Variants in SOX5 observed in about 807,000 individuals in gnomAD.
The protein encoded by SOX5 is SRY-box transcription factor 5.
In SOX5, 9 loss-of-function variants were observed where a neutral mutation model predicts 92.0. The observed-to-expected ratio is 0.10, with a 90% CI of 0.06 to 0.17. The LOEUF is 0.17. Ranked by LOEUF, SOX5 falls within the 10% of genes least tolerant of loss-of-function variation. SOX5 has a pLI of 1.00. For synonymous variants in SOX5, 344 were observed against 336.3 expected (o/e 1.02, Z -0.25); for missense variants, 642 against 944.5 (o/e 0.68, Z 4.20).
At chr12:24,357,815 T>G (rs1469840702) in intron 2 of SOX5, among the ~76,000 whole-genome samples, 4 of 139,274 alleles carry the variant, frequency 2.9e-5, no homozygotes, top group African/African-American at 1.1e-4. Flanking sequence ...CACTCCAGCC[T>G]GGGTGACAGA....
chr12:23,644,576 T>C (rs982472245), intron 7 of SOX5, among the ~76,000 whole-genome samples: 1 of 152,184 alleles, frequency 6.6e-6, no homozygotes, highest in African/African-American at 2.4e-5. Flanking sequence ...GAAAGTTGTG[T>C]GATCAAGCAA....
At chr12:24,301,973 A>C (rs1255640144) in intron 2 of SOX5, among the ~76,000 whole-genome samples, 1 of 152,118 alleles carries the variant, frequency 6.6e-6, no homozygotes, top group Non-Finnish European at 1.5e-5. Flanking sequence ...ATAATTATTT[A>C]TGTTCACATA....
intron 1 of SOX5, among the ~76,000 whole-genome samples, chr12:24,391,463 TAATAAA>T (rs1208760754): frequency 6.6e-6 from 1 of 152,140 alleles, no homozygotes; most frequent in Non-Finnish European, 1.5e-5. Flanking sequence ...TAGAAGTTCT[TAATAAA>T]AATAAAGAGG....
At chr12:24,167,988 G>A (rs917545861) in intron 4 of SOX5, among the ~76,000 whole-genome samples, 1 of 152,208 alleles carries the variant, frequency 6.6e-6, no homozygotes, top group African/African-American at 2.4e-5. Context: ...TCTCTTAGAG[G>A]AAAGGATGTT....
intron 4 of SOX5, among the ~76,000 whole-genome samples, chr12:24,194,419 AGG>A (rs1956815468): frequency 9.6e-6 from 1 of 104,556 alleles, no homozygotes; most frequent in South Asian, 2.6e-4. Flanking sequence ...GTAGGTAGGT[AGG>A]TAGGTAGGTA....
chr12:23,606,960 T>C (rs7358671), intron 8 of SOX5, among the ~76,000 whole-genome samples: 2 of 152,184 alleles, frequency 1.3e-5, no homozygotes, highest in Non-Finnish European at 2.9e-5. Context: ...TTCTACAGAA[T>C]ACAGAGACGG....
chr12:23,834,173 C>A lies in SOX5; in HGVS notation c.481+11810G>T, dbSNP rs968005405. Among the ~76,000 whole-genome samples the A allele has an allele frequency of 6.6e-5, 10 of 151,672 alleles. 1 individual carries two copies. The highest frequency in any genetic ancestry group is 2.4e-4 in the African/African-American group (10 of 41,330). On this transcript the variant is annotated intron_variant, in intron 3 of 14. Transcript: ENST00000451604. ...ATAAAAATTCATCAGGTAGGTAAGA[C>A]GGGAAACGACATTTAAGGCAGTGGA...
At chr12:23,640,542 C>T (rs1454644539) in intron 8 of SOX5, among the ~76,000 whole-genome samples, 1 of 152,100 alleles carries the variant, frequency 6.6e-6, no homozygotes. Context: ...AAAATTATGG[C>T]ACGCAGTAAT....
At chr12:24,171,093 C>A (rs1279616809) in intron 4 of SOX5, among the ~76,000 whole-genome samples, 1 of 149,100 alleles carries the variant, frequency 6.7e-6, no homozygotes, top group Non-Finnish European at 1.5e-5. Flanking sequence ...TTGATTTATT[C>A]CCTACTTATT....
At chr12:24,046,385 C>T (rs1050689868) in intron 4 of SOX5, among the ~76,000 whole-genome samples, 4 of 151,768 alleles carry the variant, frequency 2.6e-5, no homozygotes, top group African/African-American at 7.3e-5. Context: ...AATGACACTG[C>T]GAAGTAATTT....
At chr12:23,556,905 C>T (rs1236456189) in intron 11 of SOX5, among the ~76,000 whole-genome samples, 1 of 152,194 alleles carries the variant, frequency 6.6e-6, no homozygotes, top group Non-Finnish European at 1.5e-5. Flanking sequence ...TGGCCCCATC[C>T]ATCAGATGGC....
chr12:23,949,741 TCTCTCTCTCTCC>T, upstream of SOX5: 3 of 1,068,374 alleles, frequency 2.8e-6, no homozygotes, highest in South Asian at 4.2e-5. Flanking sequence ...CCTCTCTCTC[TCTCTCTCTCTCC>T]CTCTCTCTCT....
intron 11 of SOX5, among the ~76,000 whole-genome samples, chr12:23,551,162 ACCT>A (rs1292989855): frequency 2.4e-4 from 37 of 152,072 alleles, no homozygotes; most frequent in African/African-American, 7.9e-4. Flanking sequence ...TAACAGTTAA[ACCT>A]CTTCTGGCTG....
chr12:23,907,260 G>T (rs969127525), intron 1 of SOX5, among the ~76,000 whole-genome samples: 4 of 152,130 alleles, frequency 2.6e-5, no homozygotes, highest in Non-Finnish European at 4.4e-5. Flanking sequence ...AGAGGACGAA[G>T]AGGAGGAGAA....
At chr12:24,297,244 G>A (rs1947373734) in intron 2 of SOX5, among the ~76,000 whole-genome samples, 1 of 152,192 alleles carries the variant, frequency 6.6e-6, no homozygotes, top group Non-Finnish European at 1.5e-5. Flanking sequence ...CTTATCTAAT[G>A]TAATGTACAT....
chr12:24,305,360 T>C (rs1337068205), intron 2 of SOX5, among the ~76,000 whole-genome samples: 1 of 152,152 alleles, frequency 6.6e-6, no homozygotes, highest in Non-Finnish European at 1.5e-5. Flanking sequence ...GTGACAGTGA[T>C]GGTGATTCTG....
At chr12:24,067,996 T>G (rs1354816973) in intron 4 of SOX5, among the ~76,000 whole-genome samples, 1 of 151,946 alleles carries the variant, frequency 6.6e-6, no homozygotes, top group Non-Finnish European at 1.5e-5. Flanking sequence ...ATACAAAAAA[T>G]TAGCCAGGCG....
At chr12:23,901,371 A>G (rs2097230509) in intron 1 of SOX5, among the ~76,000 whole-genome samples, 1 of 152,184 alleles carries the variant, frequency 6.6e-6, no homozygotes, top group Admixed American at 6.5e-5. Flanking sequence ...AAAAGAATAC[A>G]TTTGTATTTT....
chr12:23,769,720 C>G (rs1195573523), intron 3 of SOX5, among the ~76,000 whole-genome samples: 2 of 152,092 alleles, frequency 1.3e-5, no homozygotes, highest in Non-Finnish European at 2.9e-5. Flanking sequence ...CTTCTCTTTG[C>G]CAATACAAAT....
Sources: gnomAD v4.1 joint callset for allele counts (sites outside exome capture counted in the v4.1 genomes callset) on GRCh38, gnomAD v4.1.1 for gene constraint, MANE v1.5 for transcripts, NCBI Gene and HGNC (gene_info 2026-07-23, HGNC 2026-07-21) for gene names.